The following CLTC variants were observed in gnomAD, a reference collection of about 807,000 sequenced individuals.
CLTC encodes clathrin heavy chain.
A neutral mutation model predicts 195.8 loss-of-function variants in CLTC; 16 were observed. The observed-to-expected ratio is 0.08, with a 90% CI of 0.06 to 0.12. The LOEUF (loss-of-function observed/expected upper bound fraction) is 0.12, where lower values mean the gene tolerates loss of function less well. Ranked by LOEUF, CLTC falls within the 10% of genes least tolerant of loss-of-function variation. The probability of loss-of-function intolerance (pLI) is 1.00; values close to 1 mark genes in which losing one functional copy is unlikely to be tolerated. For synonymous variants in CLTC, 667 were observed against 689.4 expected, an observed-to-expected ratio of 0.97 and a Z score of 0.51; for missense variants, 796 against 2,027.0, an observed-to-expected ratio of 0.39 and a Z score of 11.66.
chr17:59,622,664 G>T (rs561869128), intron 1 of CLTC, among the ~76,000 whole-genome samples: 6 of 152,078 alleles, frequency 3.9e-5, no homozygotes, highest in Non-Finnish European at 8.8e-5. Context: ...GTGAACCACC[G>T]AGCCCAACTA....
intron 1 of CLTC, among the ~76,000 whole-genome samples, chr17:59,629,164 T>C (rs149743767): frequency 2.0e-5 from 3 of 152,338 alleles, no homozygotes; most frequent in Non-Finnish European, 4.4e-5. Flanking sequence ...AAAACCCATC[T>C]CTTTCTCCAG....
rs546686738 is a variant in CLTC at position 59,680,053 on chromosome 17, C to G, written c.2919+534C>G. ...TAAGAGCAAGACTGTCTCAAAAAAA[C>G]AAAAAGAAAAAAGAAAAAGAAAATA... On this transcript the variant is annotated intron_variant, in intron 18 of 31. Transcript: ENST00000269122. Among the ~76,000 whole-genome samples, 4 of 151,452 alleles carry G rather than the reference C, an allele frequency of 2.6e-5. No individual in the cohort carries two copies. In the East Asian group the frequency reaches 7.8e-4, roughly 29 times the overall value.
At chr17:59,658,886 G>C (rs1232730200) in intron 6 of CLTC, 1 of 152,174 alleles carries the variant, frequency 6.6e-6, no homozygotes, top group Non-Finnish European at 1.5e-5. Context: ...AATAAGCCTT[G>C]AGGATGGAGG....
chr17:59,690,288 C>T lies in CLTC; in HGVS notation c.4828-348C>T, dbSNP rs188277520. The T allele has an allele frequency of 1.6e-4, 30 of 185,176 alleles. 1 individual carries two copies. Among genetic ancestry groups the T allele is most frequent in the South Asian group, 3.6e-4 (2 of 5,556 alleles). 11.5% of individuals were successfully genotyped at this position (185,176 alleles called of 1,614,324 possible). A position where few individuals can be genotyped will look rare whatever the true frequency, so the allele number is the denominator to read the frequency against. On this transcript the variant is annotated intron_variant, in intron 30 of 31. Transcript: ENST00000269122. ...TTTGGGGAGGGAAGTATTGCCAGAC[C>T]ATGAATTCATTATTACCTCTGATCA...
Position 59,648,534 on chromosome 17 carries a change from T to C in CLTC, c.681+133T>C. The stretch of plus-strand genomic sequence containing the variant: ...AGTATTCACATTTGTGGTGACTTAA[T>C]TTGTTCAAATTTTGCATCTAGTGAT... On this transcript the variant is annotated intron_variant, in intron 4 of 31. Coordinates refer to ENST00000269122, the MANE Select transcript of CLTC (RefSeq NM_004859.4). The surrounding 1 kb of genome is among the most constrained non-coding windows in gnomAD (Gnocchi z 4.5). The C allele has an allele frequency of 2.4e-6, 2 of 846,506 alleles. No homozygotes were observed. Among genetic ancestry groups the C allele is most frequent in the Admixed American group, 2.7e-5 (1 of 37,006 alleles). The allele number at this position is 846,506 out of a possible 1,614,324, so 52.4% of individuals were successfully genotyped here.
chr17:59,624,000 C>T (rs2031465299), intron 1 of CLTC, among the ~76,000 whole-genome samples: 1 of 152,160 alleles, frequency 6.6e-6, no homozygotes, highest in African/African-American at 2.4e-5. Flanking sequence ...TAGAATATTT[C>T]GTTAGCTAAA....
intron 1 of CLTC, among the ~76,000 whole-genome samples, chr17:59,623,255 C>T (rs997019736): frequency 2.0e-5 from 3 of 152,070 alleles, no homozygotes; most frequent in Admixed American, 6.5e-5. Flanking sequence ...ATAGTTAGTT[C>T]GGATTGTGAA....
At chr17:59,653,673 C>T (rs1339372368) in intron 5 of CLTC, among the ~76,000 whole-genome samples, 1 of 152,156 alleles carries the variant, frequency 6.6e-6, no homozygotes, top group Non-Finnish European at 1.5e-5. Context: ...TTGCCTCAGC[C>T]TCCAGAGTAG....
At chr17:59,693,607 A>G in intron 31 of CLTC, 121 bp from the exon 32 acceptor site, 2 of 1,198,048 alleles carry the variant, frequency 1.7e-6, no homozygotes, top group South Asian at 1.6e-5. Context: ...CCCCCATACA[A>G]CTCATTTGAG....
At chr17:59,642,512 C>T (rs1053455090) in intron 1 of CLTC, among the ~76,000 whole-genome samples, 2 of 152,054 alleles carry the variant, frequency 1.3e-5, no homozygotes, top group Admixed American at 1.3e-4. Context: ...CTCCAATTAT[C>T]GGAAAGGATA....
At position 59,648,258 on chromosome 17, in the gene CLTC, G is replaced by A; in HGVS notation, c.538G>A (p.Ala180Thr). The A allele has an allele frequency of 6.2e-7, 1 of 1,613,446 alleles. No individual in the cohort carries two copies. ...TTTATAGCAAAATCGTGTGGTGGGA[G>A]CTATGCAGCTATATTCTGTAGATAG... The part of the protein sequence containing the change: ...ISAQQNRVVG[A>T]MQLYSVDRKV... The change falls in exon 4 of 32, where the codon GCT becomes ACT. Residue 180 changes from alanine to threonine, a missense_variant. Physicochemically the swap from Ala to Thr is moderately conservative, Grantham distance 58. This residue lies in a region of CLTC where 293 missense variants were observed against 795.6 expected (regional missense o/e 0.37). Transcript: ENST00000269122. The surrounding 1 kb of genome is among the most constrained non-coding windows in gnomAD (Gnocchi z 4.5).
chr17:59,687,483 T>TG (rs2033208709), intron 30 of CLTC, among the ~76,000 whole-genome samples: 2 of 150,664 alleles, frequency 1.3e-5, no homozygotes, highest in East Asian at 1.9e-4. Flanking sequence ...AAAGGCTTTT[T>TG]GGGGTTTTTT....
intron 6 of CLTC, among the ~76,000 whole-genome samples, chr17:59,656,783 C>T (rs1227058608): frequency 8.2e-5 from 12 of 145,946 alleles, no homozygotes; most frequent in African/African-American, 2.8e-4. Context: ...AAGCAATTCT[C>T]TTGCCTCATC....
chr17:59,657,446 T>C lies in CLTC; in HGVS notation c.969+1419T>C, dbSNP rs370637336. Among the ~76,000 whole-genome samples, 6 of 152,260 alleles carry C rather than the reference T, an allele frequency of 3.9e-5. No homozygotes were observed. In the East Asian group the frequency reaches 9.6e-4, roughly 24 times the overall value. On this transcript the variant is annotated intron_variant, in intron 6 of 31. Transcript: ENST00000269122. ...TTAAAAATTCAGTAGCTTTCAGATA[T>C]TCAGTTATGAGTGTCTTGCTTAGAA...
chr17:59,682,528 T>A lies in CLTC; in HGVS notation c.3600+100T>A. The A allele has an allele frequency of 6.3e-7, 1 of 1,578,674 alleles. No individual in the cohort carries two copies. The highest frequency in any genetic ancestry group is 8.6e-7 in the Non-Finnish European group (1 of 1,158,588). On this transcript the variant is annotated intron_variant, in intron 22 of 31. Coordinates refer to ENST00000269122, the MANE Select transcript of CLTC (RefSeq NM_004859.4). The surrounding 1 kb of genome is among the most constrained non-coding windows in gnomAD (Gnocchi z 6.8). ...CTGAAGAATTCCAAGGAAAAATCTA[T>A]AGGAAAACAAATTCTTTCTCATTGT...
chr17:59,626,139 C>T (rs6503932), intron 1 of CLTC, among the ~76,000 whole-genome samples: 22 of 152,134 alleles, frequency 1.4e-4, no homozygotes, highest in African/African-American at 5.1e-4. Context: ...GTGTTAGACT[C>T]TAGGGACAAG....
intron 1 of CLTC, among the ~76,000 whole-genome samples, chr17:59,633,819 C>T (rs1002102537): frequency 6.6e-6 from 1 of 152,154 alleles, no homozygotes; most frequent in African/African-American, 2.4e-5. Context: ...GGAGACTGTC[C>T]AGATGTTTTA....
At chr17:59,656,911 A>G (rs1049396176) in intron 6 of CLTC, among the ~76,000 whole-genome samples, 2 of 151,870 alleles carry the variant, frequency 1.3e-5, no homozygotes, top group African/African-American at 4.8e-5. Flanking sequence ...TGACCTTGTG[A>G]TCCACCCGCC....
At chr17:59,643,132 GGTGTGT>G (rs59380117) in intron 1 of CLTC, among the ~76,000 whole-genome samples, 94 of 142,318 alleles carry the variant, frequency 6.6e-4, no homozygotes, top group African/African-American at 2.0e-3. Context: ...TCTTTTCTGG[GGTGTGT>G]GTGTGTGTGT....
Sources: allele counts gnomAD v4.1 joint callset (sites outside exome capture counted in the v4.1 genomes callset), GRCh38; gene constraint gnomAD v4.1.1; regional missense constraint gnomAD v4.1.1; non-coding constraint Gnocchi (gnomAD v3.1); transcripts MANE v1.5; gene names NCBI Gene and HGNC (gene_info 2026-07-23, HGNC 2026-07-21).